AZIN2: variants seen among roughly 807,000 people sequenced by gnomAD.
AZIN2 encodes ODC antizyme inhibitor-2.
AZIN2 carries 28 observed loss-of-function variants against 47.8 expected under a neutral mutation model. The observed-to-expected ratio is 0.59, with a 90% CI of 0.43 to 0.80. The LOEUF is 0.80. Ranked by LOEUF, AZIN2 falls within the 30% of genes least tolerant of loss-of-function variation. AZIN2 has a pLI of 0.00. For synonymous variants in AZIN2, 221 were observed against 239.4 expected (o/e 0.92, Z 0.71); for missense variants, 535 against 582.5 (o/e 0.92, Z 0.84).
chr1:33,117,994 G>C lies in AZIN2; in HGVS notation c.1122G>C (p.Pro374=), dbSNP rs761451762. Reference sequence around the variant, plus strand: ...GCGTGGCTGAGGGCCTGTGGCTGCCGCAACTACACGTAGGGGACTGGCTGG... The same window carrying C: ...GCGTGGCTGAGGGCCTGTGGCTGCCCCAACTACACGTAGGGGACTGGCTGG... The part of the protein sequence containing the change: ...CDCVAEGLWL[P]QLHVGDWLVF... Residue 374 remains proline (P), a synonymous_variant, in exon 11 of 12, where the codon CCG becomes CCC. Coordinates refer to ENST00000294517, the MANE Select transcript of AZIN2 (RefSeq NM_052998.4). 3.1e-6 allele frequency: 5 copies of C among 1,608,178 alleles called. No individual in the cohort carries two copies. The highest frequency in any genetic ancestry group is 4.2e-6 in the Non-Finnish European group (5 of 1,177,054).
the AZIN2 span, chr1:33,146,136 T>C: frequency 7.5e-6 from 2 of 265,102 alleles, no homozygotes; most frequent in Admixed American, 1.0e-4. Flanking sequence ...TCCTGGAAAT[T>C]CAGCAGAGTC....
chr1:33,159,307 C>T, the AZIN2 span, among the ~76,000 whole-genome samples: 1 of 151,968 alleles, frequency 6.6e-6, no homozygotes, highest in South Asian at 2.1e-4. The surrounding 1 kb of genome is among the most constrained non-coding windows in gnomAD (Gnocchi z 4.2). Context: ...TGATTGTAAA[C>T]ACTATTAAAT....
the AZIN2 span, among the ~76,000 whole-genome samples, chr1:33,131,844 C>G: frequency 2.0e-5 from 3 of 152,024 alleles, no homozygotes; most frequent in East Asian, 3.8e-4. Context: ...AACTTTATCT[C>G]TCTCAGTGAC....
At chr1:33,100,564 CGT>C (rs57021036) in intron 10 of AZIN2, among the ~76,000 whole-genome samples, 141 of 148,044 alleles carry the variant, frequency 9.5e-4, no homozygotes, top group African/African-American at 1.5e-3. Flanking sequence ...GATAGAAACA[CGT>C]GTGTGTGTGT....
chr1:33,156,996 G>C, the AZIN2 span, among the ~76,000 whole-genome samples: 1 of 145,184 alleles, frequency 6.9e-6, no homozygotes, highest in Non-Finnish European at 1.5e-5. Context: ...ATTATGCAGT[G>C]GTCTCCTAAC....
At chr1:33,123,926 G>A (rs1644838140), downstream of AZIN2, among the ~76,000 whole-genome samples, 3 of 152,116 alleles carry the variant, frequency 2.0e-5, no homozygotes, top group Non-Finnish European at 2.9e-5. Context: ...GAACTGGAAG[G>A]TGGAGGTTGT....
the AZIN2 span, among the ~76,000 whole-genome samples, chr1:33,138,002 G>A: frequency 3.3e-5 from 5 of 152,198 alleles, no homozygotes; most frequent in African/African-American, 4.8e-5. Context: ...TTACTGCACC[G>A]GTAGGTGGCG....
At chr1:33,112,291 T>A (rs888446880) in intron 10 of AZIN2, among the ~76,000 whole-genome samples, 1 of 152,184 alleles carries the variant, frequency 6.6e-6, no homozygotes, top group African/African-American at 2.4e-5. Flanking sequence ...ACTCTTGGCA[T>A]GTGTGTTCGA....
chr1:33,138,630 A>C, the AZIN2 span, among the ~76,000 whole-genome samples: 17 of 144,908 alleles, frequency 1.2e-4, no homozygotes, highest in East Asian at 1.8e-3. Flanking sequence ...CAACAACAAA[A>C]AAAAAAAAAA....
chr1:33,162,923 A>C, the AZIN2 span: 3 of 152,302 alleles, frequency 2.0e-5, no homozygotes, highest in African/African-American at 7.2e-5. Context: ...GTGGGACTTC[A>C]GGTTGGTCCC....
At chr1:33,098,222 TATTTCAATAAC>T in intron 10 of AZIN2, 43 bp downstream of exon 10, 2 of 1,358,922 alleles carry the variant, frequency 1.5e-6, no homozygotes, top group Non-Finnish European at 2.1e-6. Flanking sequence ...TGTGTGTGTG[TATTTCAATAAC>T]ATTTGTTGTG....
the AZIN2 span, among the ~76,000 whole-genome samples, chr1:33,153,700 A>G: frequency 6.6e-6 from 1 of 152,194 alleles, no homozygotes; most frequent in Non-Finnish European, 1.5e-5. Flanking sequence ...AGAGGAAGAA[A>G]CTGAAGTTCA....
intron 8 of AZIN2, 50 bp from the exon 9 acceptor site, chr1:33,096,657 A>G (rs777225797): frequency 1.9e-6 from 3 of 1,603,440 alleles, no homozygotes; most frequent in Non-Finnish European, 1.7e-6. Context: ...TCTTCAGCAT[A>G]AAGCCCACAT....
chr1:33,128,203 CAAAAAAA>C (rs34284839), downstream of AZIN2, among the ~76,000 whole-genome samples: 1 of 83,704 alleles, frequency 1.2e-5, no homozygotes, highest in Non-Finnish European at 2.5e-5. Context: ...CCCACCTCTC[CAAAAAAA>C]AAAAAAAAAA....
the AZIN2 span, among the ~76,000 whole-genome samples, chr1:33,160,974 A>G: frequency 8.1e-3 from 1,237 of 152,352 alleles, 19 homozygotes; most frequent in African/African-American, 0.028. Context: ...GAAGTAGTGA[A>G]GGGCACAGGT....
At chr1:33,160,437 T>G in the AZIN2 span, among the ~76,000 whole-genome samples, 4 of 151,990 alleles carry the variant, frequency 2.6e-5, no homozygotes, top group South Asian at 2.1e-4. Flanking sequence ...GGAGTTTTGC[T>G]CCTGTCACCC....
intron 8 of AZIN2, among the ~76,000 whole-genome samples, chr1:33,095,352 A>T (rs1355833518): frequency 6.6e-6 from 1 of 152,138 alleles, no homozygotes; most frequent in Non-Finnish European, 1.5e-5. Context: ...TCCATCTAAT[A>T]CTCAGGATTT....
At chr1:33,125,076 A>G (rs1344976045), downstream of AZIN2, among the ~76,000 whole-genome samples, 1 of 152,200 alleles carries the variant, frequency 6.6e-6, no homozygotes, top group Non-Finnish European at 1.5e-5. Context: ...GAGGTCAGAG[A>G]GACGCAAGTT....
the AZIN2 span, chr1:33,159,663 G>A: frequency 6.3e-7 from 1 of 1,589,696 alleles, no homozygotes; most frequent in South Asian, 1.1e-5. This position sits in a 1 kb window ranked among gnomAD's most constrained non-coding sequence, Gnocchi z 4.2. Context: ...GTCAGCCGGG[G>A]AGGGCCCCGG....
Sources: gnomAD v4.1 joint callset for allele counts (sites outside exome capture counted in the v4.1 genomes callset) on GRCh38, gnomAD v4.1.1 for gene constraint, Gnocchi (gnomAD v3.1) non-coding constraint, MANE v1.5 for transcripts, NCBI Gene and HGNC (gene_info 2026-07-23, HGNC 2026-07-21) for gene names.